The following JAZF1 variants were observed in gnomAD, a reference collection of about 807,000 sequenced individuals.
JAZF1 encodes the protein JAZF zinc finger 1, also known as juxtaposed with another zinc finger protein 1.
A neutral mutation model predicts 26.4 loss-of-function variants in JAZF1; 8 were observed. That is an observed-to-expected ratio of 0.30 (90% CI 0.18 to 0.55). JAZF1 has a LOEUF of 0.55. Among genes scored for constraint, JAZF1 ranks in the 20% least tolerant of loss-of-function variants. The probability of loss-of-function intolerance (pLI) is 0.94; values close to 1 mark genes in which losing one functional copy is unlikely to be tolerated. For synonymous variants in JAZF1, 126 were observed against 122.3 expected (o/e 1.03, Z -0.20); for missense variants, 199 against 322.0 (o/e 0.62, Z 2.92).
At chr7:28,147,916 A>G (rs546866553) in intron 1 of JAZF1, among the ~76,000 whole-genome samples, 123 of 152,150 alleles carry the variant, frequency 8.1e-4, no homozygotes, top group Middle Eastern at 6.8e-3. Context: ...TCTCAAAAAA[A>G]AGGAAAAGAA....
intron 1 of JAZF1, among the ~76,000 whole-genome samples, chr7:28,169,283 G>C (rs868413872): frequency 6.6e-6 from 1 of 152,236 alleles, no homozygotes; most frequent in South Asian, 2.1e-4. Context: ...TGAAAGTGCT[G>C]AAGTGGAGCC....
intron 1 of JAZF1, among the ~76,000 whole-genome samples, chr7:28,090,844 G>C (rs1431647090): frequency 4.2e-5 from 6 of 141,408 alleles, no homozygotes; most frequent in Admixed American, 1.4e-4. Flanking sequence ...TTTTGAGACG[G>C]AGTCTCGCTC....
intron 2 of JAZF1, chr7:27,914,814 G>A: frequency 2.1e-6 from 1 of 471,162 alleles, no homozygotes; most frequent in Non-Finnish European, 4.4e-6. Context: ...TGTCCCTACA[G>A]GAAACAGCCT....
At chr7:28,103,101 C>T (rs144840124) in intron 1 of JAZF1, among the ~76,000 whole-genome samples, 30 of 152,314 alleles carry the variant, frequency 2.0e-4, no homozygotes, top group Non-Finnish European at 3.8e-4. Flanking sequence ...TTGGAACACT[C>T]TGCCTTGGCT....
At chr7:28,003,774 G>A (rs1038192647) in intron 1 of JAZF1, among the ~76,000 whole-genome samples, 5 of 151,924 alleles carry the variant, frequency 3.3e-5, no homozygotes, top group East Asian at 1.9e-4. Flanking sequence ...TACATGCACC[G>A]TGACATCTCT....
intron 1 of JAZF1, among the ~76,000 whole-genome samples, chr7:28,045,977 C>T (rs940052150): frequency 2.0e-5 from 3 of 152,138 alleles, no homozygotes; most frequent in Non-Finnish European, 4.4e-5. Flanking sequence ...TTTAAGAAAG[C>T]CATATAGAAG....
At chr7:27,993,459 C>G (rs1248477378) in intron 1 of JAZF1, among the ~76,000 whole-genome samples, 4 of 152,184 alleles carry the variant, frequency 2.6e-5, no homozygotes, top group Admixed American at 2.6e-4. Flanking sequence ...GTAACTCTTA[C>G]TCACACTCAT....
At chr7:28,085,989 C>T (rs149372465) in intron 1 of JAZF1, among the ~76,000 whole-genome samples, 2,048 of 152,342 alleles carry the variant, frequency 0.013, 24 homozygotes, top group Non-Finnish European at 0.021. Flanking sequence ...TGCACAAACA[C>T]AGCCTTTATT....
chr7:28,110,783 C>CGTGGTGAT (rs1205587359), intron 1 of JAZF1, among the ~76,000 whole-genome samples: 2 of 152,080 alleles, frequency 1.3e-5, no homozygotes. Flanking sequence ...AAGACTAAGA[C>CGTGGTGAT]GTGGTGATGT....
intron 1 of JAZF1, among the ~76,000 whole-genome samples, chr7:28,022,695 GTCTTA>G (rs971291336): frequency 6.6e-6 from 1 of 152,114 alleles, no homozygotes; most frequent in Admixed American, 6.6e-5. Context: ...AATGGAGTCA[GTCTTA>G]TCTTTTCACT....
chr7:27,901,631 C>T (rs1388085067), intron 2 of JAZF1, among the ~76,000 whole-genome samples: 2 of 151,308 alleles, frequency 1.3e-5, no homozygotes, highest in Non-Finnish European at 2.9e-5. Flanking sequence ...AAACTGAAAA[C>T]TCCAAGATGT....
At chr7:28,099,620 G>C (rs1392565004) in intron 1 of JAZF1, among the ~76,000 whole-genome samples, 1 of 152,166 alleles carries the variant, frequency 6.6e-6, no homozygotes, top group East Asian at 1.9e-4. Context: ...GGGATTACAG[G>C]CATGCACCAC....
At chr7:28,085,646 A>AT (rs1292650697) in intron 1 of JAZF1, among the ~76,000 whole-genome samples, 1 of 152,164 alleles carries the variant, frequency 6.6e-6, no homozygotes, top group Non-Finnish European at 1.5e-5. Flanking sequence ...CATGTTAACT[A>AT]TTGCTTTGCA....
At chr7:28,027,581 G>C (rs1040651263) in intron 1 of JAZF1, among the ~76,000 whole-genome samples, 1 of 152,104 alleles carries the variant, frequency 6.6e-6, no homozygotes, top group Non-Finnish European at 1.5e-5. Context: ...AGAGAAATGG[G>C]AACGTGGGTT....
chr7:27,937,534 T>C (rs148842262), intron 2 of JAZF1, among the ~76,000 whole-genome samples: 34 of 152,260 alleles, frequency 2.2e-4, no homozygotes, highest in Middle Eastern at 3.4e-3. Flanking sequence ...AATATGATCC[T>C]CTCCTTTAAG....
intron 1 of JAZF1, among the ~76,000 whole-genome samples, chr7:28,054,054 T>A (rs957383266): frequency 6.6e-6 from 1 of 152,224 alleles, no homozygotes; most frequent in Admixed American, 6.5e-5. Context: ...CCTCCCCAAG[T>A]ATAAACTTCC....
intron 4 of JAZF1, among the ~76,000 whole-genome samples, chr7:27,838,008 C>CTT (rs34890301): frequency 0.014 from 1,950 of 143,560 alleles, 34 homozygotes; most frequent in African/African-American, 0.027. Flanking sequence ...CTTTGTCTGC[C>CTT]TTTTTTTTTT....
chr7:28,056,961 G>A (rs968263185), intron 1 of JAZF1, among the ~76,000 whole-genome samples: 1 of 152,146 alleles, frequency 6.6e-6, no homozygotes, highest in African/African-American at 2.4e-5. Flanking sequence ...TGCTATTCTA[G>A]AGCATGCTAA....
In JAZF1 at chr7:28,019,627, C is replaced by G. The variant is rs935264606; in HGVS notation, c.116-27646G>C. Among the ~76,000 whole-genome samples the G allele has an allele frequency of 3.9e-5, 6 of 152,144 alleles. No homozygotes were observed. The East Asian group carries it at 9.7e-4, about 25-fold the overall frequency. On this transcript the variant is annotated intron_variant, in intron 1 of 4. Transcript: ENST00000283928. Reference sequence around the variant, plus strand: ...GAATTTACATGTCTTTTCCTACCCCCCTCCTTGACTTTATTTAGCTTCTTG... The same window carrying G: ...GAATTTACATGTCTTTTCCTACCCCGCTCCTTGACTTTATTTAGCTTCTTG...
Sources: gnomAD v4.1 joint callset for allele counts (sites outside exome capture counted in the v4.1 genomes callset) on GRCh38, gnomAD v4.1.1 for gene constraint, MANE v1.5 for transcripts, NCBI Gene and HGNC (gene_info 2026-07-23, HGNC 2026-07-21) for gene names.